SLC6A12: variants seen among roughly 807,000 people sequenced by gnomAD.
The protein encoded by SLC6A12 is solute carrier family 6 member 12, also known as sodium- and chloride-dependent betaine transporter.
A neutral mutation model predicts 73.3 loss-of-function variants in SLC6A12; 50 were observed. The ratio of observed to expected loss-of-function variants is 0.68; its 90% confidence interval spans 0.54 to 0.86. The LOEUF (loss-of-function observed/expected upper bound fraction) is 0.86. Among genes scored for constraint, SLC6A12 ranks in the 40% least tolerant of loss-of-function variants. The probability of loss-of-function intolerance (pLI) is 0.00; values close to 1 mark genes in which losing one functional copy is unlikely to be tolerated. For synonymous variants in SLC6A12, 304 were observed against 309.2 expected (o/e 0.98, Z 0.18); for missense variants, 648 against 772.8 (o/e 0.84, Z 1.92).
chr12:201,263 T>G, intron 6 of SLC6A12: 1 of 193,874 alleles, frequency 5.2e-6, no homozygotes, highest in Non-Finnish European at 1.1e-5. Context: ...GTACAGGCAG[T>G]CTTGCGTGGG....
At chr12:192,691 C>G (rs1295731550) in intron 14 of SLC6A12, 43 bp from the exon 15 acceptor site, 2 of 1,582,862 alleles carry the variant, frequency 1.3e-6, no homozygotes, top group South Asian at 1.1e-5. Context: ...TAGGGGGCGA[C>G]TGAAACCCTC....
chr12:188,399 G>A (rs1045724255), downstream of SLC6A12, among the ~76,000 whole-genome samples: 1 of 152,090 alleles, frequency 6.6e-6, no homozygotes, highest in Non-Finnish European at 1.5e-5. Context: ...ACGCCCACCC[G>A]GAACTCGCGC....
rs1273959711 is a variant in SLC6A12, at chr12:195,211, T to C, written c.1429+14A>G. 1 of 881,696 alleles carries C rather than the reference T, an allele frequency of 1.1e-6. No homozygotes were observed. Among genetic ancestry groups the C allele is most frequent in the Non-Finnish European group, 1.8e-6 (1 of 559,028 alleles). The allele number at this position is 881,696 out of a possible 1,614,324, so 54.6% of individuals were successfully genotyped here. A position where few individuals can be genotyped will look rare whatever the true frequency, so the allele number is the denominator to read the frequency against. On this transcript the variant is annotated intron_variant, in intron 13 of 15. Transcript: ENST00000684302. ...CTCCCACCCTGCTTTCCCACCCCAC[T>C]CCACCCCACTCACCATACACCCAGC...
chr12:208,605 G>A (rs1037256842), intron 3 of SLC6A12, among the ~76,000 whole-genome samples: 24 of 152,152 alleles, frequency 1.6e-4, no homozygotes, highest in African/African-American at 4.3e-4. Context: ...CACAAAGGAC[G>A]GCGCATTGAA....
chr12:201,367 T>G, intron 6 of SLC6A12: 1 of 233,804 alleles, frequency 4.3e-6, no homozygotes, highest in Non-Finnish European at 8.5e-6. Context: ...GCCCATGTCT[T>G]GATGTGAGCA....
At position 204,563 on chromosome 12, in the gene SLC6A12, C is replaced by T; in HGVS notation, c.349+1G>A. 2 of 1,614,062 alleles carry T rather than the reference C, an allele frequency of 1.2e-6. No homozygotes were observed. Among genetic ancestry groups the T allele is most frequent in the South Asian group, 2.2e-5 (2 of 91,086 alleles). ...AGGGGAAGGTGGGGGAGGATACATA[C>T]CCTGGAAGAGGGGGCAGATCTTCCT... is the stretch of plus-strand genomic sequence containing the variant. On this transcript the variant is annotated splice_donor_variant, in intron 4 of 15. Transcript: ENST00000684302. LOFTEE classifies it high-confidence loss of function.
downstream of SLC6A12, among the ~76,000 whole-genome samples, chr12:187,669 C>T (rs750535325): frequency 8.9e-5 from 13 of 145,326 alleles, no homozygotes; most frequent in Non-Finnish European, 1.9e-4. Flanking sequence ...CACAACGCGA[C>T]CCCAGCGGGT....
chr12:186,726 G>A (rs1591771918), downstream of SLC6A12, among the ~76,000 whole-genome samples: 1 of 152,360 alleles, frequency 6.6e-6, no homozygotes, highest in Admixed American at 6.5e-5. Context: ...GGGCGCTGCT[G>A]ATGTTAACAC....
At position 209,753 on chromosome 12, in the gene SLC6A12, C is replaced by G; in HGVS notation, c.214+20G>C. The G allele has an allele frequency of 6.2e-7, 1 of 1,614,078 alleles. No homozygotes were observed. The highest frequency in any genetic ancestry group is 8.5e-7 in the Non-Finnish European group (1 of 1,179,930). Reference sequence around the variant, plus strand: ...CAGCACACAGCTCTCCCCACCATGCCTACCTCAAAGTGAACTCACCACCTC... The same window carrying G: ...CAGCACACAGCTCTCCCCACCATGCGTACCTCAAAGTGAACTCACCACCTC... On this transcript the variant is annotated intron_variant, in intron 3 of 15. Transcript: ENST00000684302.
chr12:211,857 ACT>A (rs1940914680), intron 2 of SLC6A12, among the ~76,000 whole-genome samples, 167 bp downstream of exon 2: 1 of 152,060 alleles, frequency 6.6e-6, no homozygotes, highest in Admixed American at 6.5e-5. Context: ...AAAGACAGGC[ACT>A]CTTTCTACGT....
rs114580725 is a variant in SLC6A12, at chr12:190,815, C to T, written c.*253G>A. The T allele has an allele frequency of 0.012, 4,163 of 333,736 alleles. 158 individuals carry two copies. The South Asian group carries it at 0.17, about 14-fold the overall frequency. 20.7% of individuals were successfully genotyped at this position (333,736 alleles called of 1,614,324 possible). On this transcript the variant is annotated 3_prime_UTR_variant, in exon 16 of 16. Transcript: ENST00000684302. ...CCAAAAAGACCCCCCTTTATAAAAA[C>T]GATGGTGCCTTCCCACAGGGAGTGG...
At chr12:196,411 G>C in intron 11 of SLC6A12, 150 bp from the exon 12 acceptor site, 1 of 888,658 alleles carries the variant, frequency 1.1e-6, no homozygotes. Context: ...CCTGGGGTGA[G>C]CCAACCCTGC....
rs1296617992 is a variant in SLC6A12 at position 200,719 on chromosome 12, G to C, written c.643C>G (p.Leu215Val). 5 of 1,614,158 alleles carry C rather than the reference G, an allele frequency of 3.1e-6. No individual in the cohort carries two copies. The highest frequency in any genetic ancestry group is 4.2e-6 in the Non-Finnish European group (5 of 1,180,010). ...DLGSLRWELA[L>V]CLLLAWVICY... ...ATGACCCAGGCGAGCAGGAGGCACAGGGCCAGCTCCCAGCGCAGGGAGCCC... is the reference window on the plus strand; with the variant it reads ...ATGACCCAGGCGAGCAGGAGGCACACGGCCAGCTCCCAGCGCAGGGAGCCC... Residue 215 changes from leucine to valine, a missense_variant, in exon 7 of 16, where the codon CTG (leucine) becomes GTG (valine). Leu to Val is a conservative substitution (Grantham distance 32, BLOSUM62 1). Coordinates refer to ENST00000684302, the MANE Select transcript of SLC6A12 (RefSeq NM_001122848.3).
Position 196,241 on chromosome 12 carries a change from C to T in SLC6A12, c.1209G>A (p.Leu403=). 6.2e-7 allele frequency: 1 copy of T among 1,607,224 alleles called. No individual in the cohort carries two copies. The highest frequency in any genetic ancestry group is 8.5e-7 in the Non-Finnish European group (1 of 1,177,964). ...LDSQFVCVEC[L]VTASIDMFPR... is the part of the protein sequence containing the mutation. ...GGAACATGTCTATGGAGGCTGTCAC[C>T]AGGCACTCCACACAGACAAACTGTG... Residue 403 remains leucine, a synonymous_variant, in exon 12 of 16, where the codon CTG becomes CTA. Transcript: ENST00000684302.
intron 7 of SLC6A12, among the ~76,000 whole-genome samples, chr12:200,302 GT>G (rs1332630492): frequency 6.6e-5 from 10 of 151,174 alleles, no homozygotes; most frequent in African/African-American, 2.4e-4. Context: ...TAGAGACGGG[GT>G]TTTACCGTGT....
In SLC6A12 at chr12:190,143, G is replaced by C. The variant is rs1287367508; in HGVS notation, c.*925C>G. The C allele has an allele frequency of 6.6e-6, 1 of 152,240 alleles. No homozygotes were observed. The highest frequency in any genetic ancestry group is 2.4e-5 in the African/African-American group (1 of 41,452). The allele number at this position is 152,240 out of a possible 1,614,324, so 9.4% of individuals were successfully genotyped here. A position where few individuals can be genotyped will look rare whatever the true frequency, so the allele number is the denominator to read the frequency against. On this transcript the variant is annotated 3_prime_UTR_variant, in exon 16 of 16. Coordinates refer to ENST00000684302, the MANE Select transcript of SLC6A12 (RefSeq NM_001122848.3). ...GGGGTTAATGGGAAGACACTGGCCT[G>C]AGCACAAGGAGATAAGGTTTTAGTC...
At chr12:188,065 C>A (rs1326159996), downstream of SLC6A12, among the ~76,000 whole-genome samples, 1 of 152,268 alleles carries the variant, frequency 6.6e-6, no homozygotes, top group Non-Finnish European at 1.5e-5. Context: ...CCCAGTGGAT[C>A]CCTCACTGGG....
chr12:187,589 C>CAAA (rs761187495), downstream of SLC6A12, among the ~76,000 whole-genome samples: 67 of 106,018 alleles, frequency 6.3e-4, 1 homozygote, highest in African/African-American at 1.9e-3. Context: ...TGCAAAAGAG[C>CAAA]AAAAAAAAAA....
chr12:209,718 G>T lies in SLC6A12; in HGVS notation c.214+55C>A, dbSNP rs59398727. On this transcript the variant is annotated intron_variant, in intron 3 of 15. Coordinates refer to ENST00000684302, the MANE Select transcript of SLC6A12 (RefSeq NM_001122848.3). ...AGGAAGGAGGGCCCAGGTAGGCACT[G>T]CCCAGCTGCCAGCACACAGCTCTCC... is the stretch of plus-strand genomic sequence containing the variant. 3.4e-3 allele frequency: 5,459 copies of T among 1,599,932 alleles called. 149 individuals are homozygous for T. In the Admixed American group the frequency reaches 0.055, roughly 16 times the overall value.
Sources: gnomAD v4.1 joint callset for allele counts (sites outside exome capture counted in the v4.1 genomes callset) on GRCh38, gnomAD v4.1.1 for gene constraint, MANE v1.5 for transcripts, NCBI Gene and HGNC (gene_info 2026-07-23, HGNC 2026-07-21) for gene names.